The following EGFR variants were observed in gnomAD, a reference collection of about 807,000 sequenced individuals.
EGFR encodes the protein avian erythroblastic leukemia viral (v-erb-b) oncogene homolog.
EGFR carries 58 observed loss-of-function variants against 143.0 expected under a neutral mutation model. That is an observed-to-expected ratio of 0.41 (90% confidence interval 0.33 to 0.50). The LOEUF (loss-of-function observed/expected upper bound fraction) is 0.50, where lower values mean the gene tolerates loss of function less well. Among genes scored for constraint, EGFR ranks in the 20% least tolerant of loss-of-function variants. The probability of loss-of-function intolerance (pLI) is 0.39; values close to 1 mark genes in which losing one functional copy is unlikely to be tolerated. For synonymous variants in EGFR, 613 were observed against 594.4 expected, an observed-to-expected ratio of 1.03 and a Z score of -0.45; for missense variants, 1,307 against 1,579.0, an observed-to-expected ratio of 0.83 and a Z score of 2.92.
At chr7:55,175,046 A>G (rs1296984002) in intron 19 of EGFR, among the ~76,000 whole-genome samples, 2 of 152,206 alleles carry the variant, frequency 1.3e-5, no homozygotes, top group African/African-American at 4.8e-5. Context: ...GGAAACAGGC[A>G]ATTACTGGCA....
At chr7:55,060,743 G>A (rs988597157) in intron 1 of EGFR, among the ~76,000 whole-genome samples, 1 of 152,112 alleles carries the variant, frequency 6.6e-6, no homozygotes, top group African/African-American at 2.4e-5. Flanking sequence ...CCAGTATAAC[G>A]ATGCAGTTCC....
At position 55,209,982 on chromosome 7, in the gene EGFR, G is replaced by T. The variant is rs960875327; in HGVS notation, c.*4365G>T. 2.0e-5 allele frequency: 3 copies of T among 152,164 alleles called. No homozygotes were observed. Among genetic ancestry groups the T allele is most frequent in the African/African-American group, 4.8e-5 (2 of 41,440 alleles). The allele number at this position is 152,164 out of a possible 1,614,324, so 9.4% of individuals were successfully genotyped here. On this transcript the variant is annotated 3_prime_UTR_variant, in exon 28 of 28. Coordinates refer to ENST00000275493, the MANE Select transcript of EGFR (RefSeq NM_005228.5). ...CATTGGGGAGCTAAGCTAGGTCATTGTCATGGTGAAGAAGAGAAGCATCGT... is the reference window on the plus strand; with the variant it reads ...CATTGGGGAGCTAAGCTAGGTCATTTTCATGGTGAAGAAGAGAAGCATCGT...
At chr7:55,055,357 AT>A (rs1486282925) in intron 1 of EGFR, among the ~76,000 whole-genome samples, 2 of 152,108 alleles carry the variant, frequency 1.3e-5, no homozygotes, top group Middle Eastern at 3.2e-3. Flanking sequence ...CCAGTTGGTA[AT>A]GCATAGCTAG....
chr7:55,143,454 CG>C lies in EGFR; in HGVS notation c.392del (p.Gly131AspfsTer2). 1 of 1,614,154 alleles carries C rather than the reference CG, an allele frequency of 6.2e-7. No homozygotes were observed. The highest frequency in any genetic ancestry group is 8.5e-7 in the Non-Finnish European group (1 of 1,180,034). ...TATCTAACTATGATGCAAATAAAAC[CG>C]GACTGAAGGAGCTGCCCATGAGAAA... ...VLSNYDANKT[G>X]LKELPMRNLQ... On this transcript the variant is annotated frameshift_variant, in exon 3 of 28. Coordinates refer to ENST00000275493, the MANE Select transcript of EGFR (RefSeq NM_005228.5). LOFTEE classifies it high-confidence loss of function.
chr7:55,145,291 T>C (rs954807702), intron 3 of EGFR, among the ~76,000 whole-genome samples: 1 of 152,358 alleles, frequency 6.6e-6, no homozygotes, highest in East Asian at 1.9e-4. Context: ...TTTCCAGCCC[T>C]GTCCTCTCCT....
At chr7:55,101,573 C>T (rs771914812) in intron 1 of EGFR, among the ~76,000 whole-genome samples, 1 of 152,124 alleles carries the variant, frequency 6.6e-6, no homozygotes, top group African/African-American at 2.4e-5. Flanking sequence ...AGAAACTTGC[C>T]GCACATGCTG....
chr7:55,157,045 A>T lies in EGFR; in HGVS notation c.1207+213A>T. ...AGGCTTGGGTCATTCACTGCGGTGTAAACACGCTTTCTCCCTCCCGCCCGG... is the reference window on the plus strand; with the variant it reads ...AGGCTTGGGTCATTCACTGCGGTGTTAACACGCTTTCTCCCTCCCGCCCGG... On this transcript the variant is annotated intron_variant, in intron 10 of 27. Transcript: ENST00000275493. 3.2e-6 allele frequency: 4 copies of T among 1,253,008 alleles called. 1 individual carries two copies. The highest frequency in any genetic ancestry group is 5.8e-4 in the Middle Eastern group (2 of 3,476). 77.6% of individuals were successfully genotyped at this position (1,253,008 alleles called of 1,614,324 possible). A position where few individuals can be genotyped will look rare whatever the true frequency, so the allele number is the denominator to read the frequency against.
At chr7:55,191,190 T>G (rs1301014101) in intron 20 of EGFR, among the ~76,000 whole-genome samples, 1 of 151,976 alleles carries the variant, frequency 6.6e-6, no homozygotes, top group African/African-American at 2.4e-5. Context: ...TCCATGTGGT[T>G]TCAGTAATAA....
chr7:55,099,529 T>C (rs1791678160), intron 1 of EGFR, among the ~76,000 whole-genome samples: 1 of 152,166 alleles, frequency 6.6e-6, no homozygotes, highest in Admixed American at 6.5e-5. Flanking sequence ...AGGGGGGAAT[T>C]CGGGAGCTGG....
intron 1 of EGFR, among the ~76,000 whole-genome samples, chr7:55,099,457 T>C (rs1004347917): frequency 1.5e-3 from 222 of 152,346 alleles, no homozygotes; most frequent in African/African-American, 4.8e-3. Flanking sequence ...ACAATGTCCT[T>C]GTCTATGAAA....
intron 1 of EGFR, among the ~76,000 whole-genome samples, chr7:55,108,524 A>G (rs1446018701): frequency 1.3e-5 from 2 of 152,248 alleles, no homozygotes; most frequent in African/African-American, 4.8e-5. Flanking sequence ...TGTGAGTTTT[A>G]CATGCTACAT....
chr7:55,176,267 T>G (rs933749303), intron 19 of EGFR, among the ~76,000 whole-genome samples: 2 of 152,322 alleles, frequency 1.3e-5, no homozygotes, highest in African/African-American at 4.8e-5. Context: ...AGGGTTTGGA[T>G]GTATTCTAAG....
intron 1 of EGFR, among the ~76,000 whole-genome samples, chr7:55,026,317 A>G (rs1786880694): frequency 6.6e-6 from 1 of 152,146 alleles, no homozygotes; most frequent in African/African-American, 2.4e-5. Flanking sequence ...ATTTTATTTC[A>G]CAAGTTAGTC....
At chr7:55,192,951 A>G in intron 22 of EGFR, 110 bp downstream of exon 22, 2 of 957,352 alleles carry the variant, frequency 2.1e-6, no homozygotes, top group Non-Finnish European at 3.3e-6. Context: ...TTTCGAGATA[A>G]TGACTAATGA....
At chr7:55,168,738 A>T in intron 15 of EGFR, 1 of 638,240 alleles carries the variant, frequency 1.6e-6, no homozygotes, top group South Asian at 2.6e-5. Context: ...TGTTATTGCC[A>T]CCTGTGTCTT....
chr7:55,075,899 G>T (rs1046018828), intron 1 of EGFR, among the ~76,000 whole-genome samples: 5 of 152,060 alleles, frequency 3.3e-5, no homozygotes, highest in African/African-American at 1.2e-4. Flanking sequence ...AAGGGGTGGG[G>T]GTGCAATAGT....
At chr7:55,144,803 C>T (rs1464522200) in intron 3 of EGFR, among the ~76,000 whole-genome samples, 1 of 152,184 alleles carries the variant, frequency 6.6e-6, no homozygotes, top group African/African-American at 2.4e-5. Context: ...TCCTGCCTGG[C>T]CCCGTCCCTC....
chr7:55,088,415 T>A (rs377630249), intron 1 of EGFR, among the ~76,000 whole-genome samples: 25 of 152,324 alleles, frequency 1.6e-4, no homozygotes, highest in African/African-American at 5.5e-4. Context: ...AACTTCCCAG[T>A]CTGCAGTTTA....
chr7:55,081,137 A>G (rs1428591441), intron 1 of EGFR, among the ~76,000 whole-genome samples: 8 of 152,230 alleles, frequency 5.3e-5, no homozygotes, highest in Admixed American at 5.2e-4. Context: ...ATGTAAAACA[A>G]CAGCAATTTA....
Sources: gnomAD v4.1 joint callset for allele counts (sites outside exome capture counted in the v4.1 genomes callset) on GRCh38, gnomAD v4.1.1 for gene constraint, MANE v1.5 for transcripts, NCBI Gene and HGNC (gene_info 2026-07-23, HGNC 2026-07-21) for gene names.